SEL1L3: variants seen among roughly 807,000 people sequenced by gnomAD.
SEL1L3 encodes the protein protein sel-1 homolog 3.
SEL1L3 carries 76 observed loss-of-function variants against 142.8 expected under a neutral mutation model. That is an observed-to-expected ratio of 0.53 (90% CI 0.44 to 0.64). The LOEUF (loss-of-function observed/expected upper bound fraction) is 0.64, where lower values mean the gene tolerates loss of function less well. Ranked by LOEUF, SEL1L3 falls within the 30% of genes least tolerant of loss-of-function variation. SEL1L3 has a pLI of 0.00. For synonymous variants in SEL1L3, 504 were observed against 519.6 expected, an observed-to-expected ratio of 0.97 and a Z score of 0.41; for missense variants, 1,262 against 1,381.7, an observed-to-expected ratio of 0.91 and a Z score of 1.37.
Position 25,806,041 on chromosome 4 carries a change from G to GTTT in SEL1L3, c.1565-1292_1565-1290dup, listed in dbSNP as rs33956733. 7.4e-5 allele frequency among the ~76,000 whole-genome samples: 10 copies of GTTT among 134,816 alleles called. 1 individual carries two copies. Among genetic ancestry groups the GTTT allele is most frequent in the Non-Finnish European group, 1.3e-4 (8 of 63,004 alleles). The allele number at this position is 134,816 out of a possible 152,430, so 88.4% of individuals were successfully genotyped here. On this transcript the variant is annotated intron_variant, in intron 9 of 23. Coordinates refer to ENST00000399878, the MANE Select transcript of SEL1L3 (RefSeq NM_015187.5). ...GGGTTTTTTTTGTTTTGTTTTGTTT[G>GTTT]TTTTTTTTTTTTTTTGAGATGGAGT...
chr4:25,735,258 T>A, the SEL1L3 span, among the ~76,000 whole-genome samples: 3 of 152,014 alleles, frequency 2.0e-5, no homozygotes, highest in African/African-American at 7.3e-5. Context: ...TTGCCCAGGT[T>A]GTTCCTGGAC....
intron 1 of SEL1L3, 67 bp downstream of exon 1, chr4:25,862,608 G>A: frequency 1.1e-6 from 1 of 899,614 alleles, no homozygotes; most frequent in South Asian, 4.7e-5. Flanking sequence ...GGTGTCCCCG[G>A]CCGCCCCCAC....
intron 12 of SEL1L3, 139 bp downstream of exon 12, chr4:25,790,316 C>A: frequency 1.2e-6 from 1 of 807,148 alleles, no homozygotes; most frequent in Non-Finnish European, 2.1e-6. Context: ...CCCTGACAAC[C>A]CCTATTGGAC....
At chr4:25,771,588 C>G (rs943009421) in intron 17 of SEL1L3, among the ~76,000 whole-genome samples, 1 of 152,098 alleles carries the variant, frequency 6.6e-6, no homozygotes, top group Non-Finnish European at 1.5e-5. Flanking sequence ...TTCCTGGGGT[C>G]TCAGTGGAAT....
chr4:25,753,810 C>T (rs1281560698), intron 23 of SEL1L3, among the ~76,000 whole-genome samples: 1 of 151,952 alleles, frequency 6.6e-6, no homozygotes, highest in Non-Finnish European at 1.5e-5. Flanking sequence ...ATGGCGAAAG[C>T]CCATCTCTAC....
chr4:25,808,461 T>C (rs1418371011), intron 9 of SEL1L3, among the ~76,000 whole-genome samples: 4 of 152,206 alleles, frequency 2.6e-5, no homozygotes, highest in Non-Finnish European at 5.9e-5. Flanking sequence ...GGTAACCACT[T>C]GCTAAAGGCC....
At chr4:25,720,613 G>A in the SEL1L3 span, 1 of 152,218 alleles carries the variant, frequency 6.6e-6, no homozygotes, top group Non-Finnish European at 1.5e-5. Context: ...GTGGTTGGAT[G>A]TAAAGTGGAA....
At chr4:25,742,102 G>T in the SEL1L3 span, among the ~76,000 whole-genome samples, 6 of 151,960 alleles carry the variant, frequency 3.9e-5, no homozygotes, top group African/African-American at 1.2e-4. Flanking sequence ...GTGAGCCACC[G>T]TGCCCGGCCA....
the SEL1L3 span, among the ~76,000 whole-genome samples, chr4:25,733,420 T>C: frequency 0.087 from 13,274 of 152,036 alleles, 643 homozygotes; most frequent in African/African-American, 0.13. Context: ...CAATGGTTTA[T>C]TGCTAACATA....
chr4:25,811,830 T>C (rs1714053675), intron 9 of SEL1L3, among the ~76,000 whole-genome samples: 1 of 151,510 alleles, frequency 6.6e-6, no homozygotes, highest in Non-Finnish European at 1.5e-5. Flanking sequence ...TGTGCAGTAA[T>C]TTATATATTG....
At chr4:25,852,222 T>C (rs1716956322) in intron 1 of SEL1L3, among the ~76,000 whole-genome samples, 1 of 151,914 alleles carries the variant, frequency 6.6e-6, no homozygotes, top group Admixed American at 6.6e-5. Context: ...AATCAAGAGG[T>C]GACATTCTCC....
intron 16 of SEL1L3, among the ~76,000 whole-genome samples, chr4:25,776,897 C>T (rs1406514559): frequency 6.6e-6 from 1 of 151,442 alleles, no homozygotes; most frequent in Non-Finnish European, 1.5e-5. Context: ...AAAAAAGGCA[C>T]AAAAACCCCC....
At chr4:25,722,218 C>T in the SEL1L3 span, among the ~76,000 whole-genome samples, 3 of 152,090 alleles carry the variant, frequency 2.0e-5, no homozygotes, top group African/African-American at 7.2e-5. Context: ...GTTATTTTAG[C>T]AAAGTTTGTT....
chr4:25,834,973 G>A (rs529665136), intron 3 of SEL1L3, among the ~76,000 whole-genome samples: 1 of 152,182 alleles, frequency 6.6e-6, no homozygotes, highest in African/African-American at 2.4e-5. Context: ...GTCATGTAAG[G>A]AGGCTAAGGC....
intron 17 of SEL1L3, among the ~76,000 whole-genome samples, chr4:25,771,407 G>C (rs1719182203): frequency 6.6e-6 from 1 of 152,192 alleles, no homozygotes; most frequent in South Asian, 2.1e-4. Context: ...CCCAGCAAAT[G>C]CATTTCTAGA....
At chr4:25,767,675 C>A (rs778726746) in intron 18 of SEL1L3, 65 bp downstream of exon 18, 156 of 1,474,280 alleles carry the variant, frequency 1.1e-4, no homozygotes, top group Non-Finnish European at 1.4e-4. Context: ...ACGTTGCCTC[C>A]ATAAAACCCA....
At chr4:25,793,282 C>T (rs765848519) in intron 11 of SEL1L3, among the ~76,000 whole-genome samples, 4 of 151,974 alleles carry the variant, frequency 2.6e-5, no homozygotes, top group Non-Finnish European at 5.9e-5. Flanking sequence ...GAAGAGGAAA[C>T]ATGTTTGTCC....
intron 9 of SEL1L3, among the ~76,000 whole-genome samples, chr4:25,816,025 G>A (rs906160855): frequency 6.7e-6 from 1 of 149,182 alleles, no homozygotes; most frequent in African/African-American, 2.5e-5. Flanking sequence ...ACCATGTGCT[G>A]ATACTGTTCT....
chr4:25,753,124 G>A (rs146760099), intron 23 of SEL1L3, among the ~76,000 whole-genome samples: 292 of 152,324 alleles, frequency 1.9e-3, no homozygotes, highest in African/African-American at 6.5e-3. Flanking sequence ...GTTAACCACC[G>A]TCCTGCGCGG....
Sources: allele counts gnomAD v4.1 joint callset (sites outside exome capture counted in the v4.1 genomes callset), GRCh38; gene constraint gnomAD v4.1.1; transcripts MANE v1.5; gene names NCBI Gene and HGNC (gene_info 2026-07-23, HGNC 2026-07-21).